Variants in MLLT3 observed in about 807,000 individuals in gnomAD.
MLLT3 encodes protein AF-9.
Under a neutral mutation model 53.2 loss-of-function variants are expected in MLLT3, and 4 were observed. The observed-to-expected ratio is 0.08, with a 90% CI of 0.04 to 0.17. MLLT3 has a LOEUF of 0.17. MLLT3 is among the 10% of genes least tolerant of loss of function. The probability of loss-of-function intolerance (pLI) is 1.00; values close to 1 mark genes in which losing one functional copy is unlikely to be tolerated. For missense variants in MLLT3, 569 were observed against 684.0 expected (o/e 0.83, Z 1.87); for synonymous variants, 283 against 230.6 (o/e 1.23, Z -2.06).
At chr9:20,578,831 A>G (rs1343365994) in intron 2 of MLLT3, among the ~76,000 whole-genome samples, 1 of 152,208 alleles carries the variant, frequency 6.6e-6, no homozygotes, top group Non-Finnish European at 1.5e-5. Flanking sequence ...GCTTCACCAA[A>G]AAAAGTGAAA....
At chr9:20,574,953 G>A (rs1819618093) in intron 2 of MLLT3, among the ~76,000 whole-genome samples, 1 of 152,202 alleles carries the variant, frequency 6.6e-6, no homozygotes, top group Non-Finnish European at 1.5e-5. Flanking sequence ...TTTCAACAAT[G>A]TTCAAAGCGT....
chr9:20,363,751 G>T, intron 6 of MLLT3, 146 bp from the exon 7 acceptor site: 1 of 684,080 alleles, frequency 1.5e-6, no homozygotes, highest in Non-Finnish European at 2.1e-6. Context: ...GGCAAATTTG[G>T]TATAGTTTCT....
chr9:20,413,993 G>C lies in MLLT3; in HGVS notation c.853C>G (p.Pro285Ala). ...GQDKKAPSKR[P>A]PISDSEELSA... Reference sequence around the variant, plus strand: ...AGTTCTTCAGAATCTGAAATGGGCGGCCTTTTACTAGGAGCCTTCTTATCT... The same window carrying C: ...AGTTCTTCAGAATCTGAAATGGGCGCCCTTTTACTAGGAGCCTTCTTATCT... The change falls in exon 5 of 11, where the codon CCG (proline) becomes GCG (alanine). Residue 285 changes from proline to alanine, a missense_variant. Pro to Ala is a conservative substitution (Grantham distance 27). This residue lies in a region of MLLT3 where 437 missense variants were observed against 376.5 expected (regional missense o/e 1.16). Transcript: ENST00000380338. 6.2e-7 allele frequency: 1 copy of C among 1,614,142 alleles called. No individual in the cohort carries two copies. The highest frequency in any genetic ancestry group is 8.5e-7 in the Non-Finnish European group (1 of 1,180,022).
chr9:20,536,587 T>G (rs1402896742), intron 2 of MLLT3, among the ~76,000 whole-genome samples: 2 of 152,136 alleles, frequency 1.3e-5, no homozygotes, highest in African/African-American at 2.4e-5. Flanking sequence ...ACAGTTAGCT[T>G]AGAAGAAAAA....
At chr9:20,362,705 G>GTTTTT (rs1563936918) in intron 7 of MLLT3, 5 of 92,758 alleles carry the variant, frequency 5.4e-5, no homozygotes, top group African/African-American at 4.3e-4. Context: ...GGTTAAGACC[G>GTTTTT]CTTTTTTTTT....
At chr9:20,355,940 C>T (rs1194750558) in intron 8 of MLLT3, among the ~76,000 whole-genome samples, 2 of 152,168 alleles carry the variant, frequency 1.3e-5, no homozygotes, top group Admixed American at 6.5e-5. Context: ...AAGAATGAGT[C>T]CACTTTTAAT....
intron 2 of MLLT3, among the ~76,000 whole-genome samples, chr9:20,569,670 A>C (rs957246438): frequency 3.3e-5 from 5 of 152,176 alleles, no homozygotes; most frequent in Non-Finnish European, 7.3e-5. Context: ...TGTCCTTGGT[A>C]TTTAGAACAC....
At chr9:20,438,146 C>A (rs977057613) in intron 4 of MLLT3, among the ~76,000 whole-genome samples, 1 of 152,222 alleles carries the variant, frequency 6.6e-6, no homozygotes, top group African/African-American at 2.4e-5. Flanking sequence ...AAAACCAGAA[C>A]ACTCTGATAA....
At chr9:20,376,221 G>C (rs1330343443) in intron 5 of MLLT3, among the ~76,000 whole-genome samples, 2 of 152,158 alleles carry the variant, frequency 1.3e-5, no homozygotes, top group Admixed American at 6.5e-5. Context: ...TGTAACCACA[G>C]AGAAGACTCT....
At chr9:20,588,322 C>T (rs1475168376) in intron 2 of MLLT3, among the ~76,000 whole-genome samples, 9 of 150,046 alleles carry the variant, frequency 6.0e-5, no homozygotes, top group Middle Eastern at 3.4e-3. Context: ...CTTGGCGATG[C>T]GGGCTCTTTT....
At chr9:20,550,660 A>G (rs1468366868) in intron 2 of MLLT3, among the ~76,000 whole-genome samples, 1 of 152,168 alleles carries the variant, frequency 6.6e-6, no homozygotes, top group South Asian at 2.1e-4. Flanking sequence ...GGCCTCTTTA[A>G]AATGTTGGGA....
chr9:20,552,734 T>C (rs1327520344), intron 2 of MLLT3, among the ~76,000 whole-genome samples: 1 of 152,166 alleles, frequency 6.6e-6, no homozygotes. Context: ...GTTATCCAAA[T>C]AAACCTTAGA....
chr9:20,477,091 G>T (rs1262870203), intron 2 of MLLT3, among the ~76,000 whole-genome samples: 1 of 152,102 alleles, frequency 6.6e-6, no homozygotes, highest in East Asian at 1.9e-4. Context: ...CTTCTCTGGG[G>T]CCCAGTGGGA....
intron 2 of MLLT3, among the ~76,000 whole-genome samples, chr9:20,595,177 T>C (rs1344848345): frequency 1.3e-5 from 2 of 152,040 alleles, no homozygotes; most frequent in East Asian, 3.9e-4. Flanking sequence ...GGCAACAAAG[T>C]GAGATCTCCA....
At chr9:20,368,616 A>G (rs926712457) in intron 5 of MLLT3, among the ~76,000 whole-genome samples, 2 of 152,218 alleles carry the variant, frequency 1.3e-5, no homozygotes, top group African/African-American at 4.8e-5. Context: ...TCAGAACCAA[A>G]CCAGGAGGCA....
intron 5 of MLLT3, 86 bp from the exon 6 acceptor site, chr9:20,365,830 A>T (rs1821436948): frequency 7.4e-7 from 1 of 1,359,192 alleles, no homozygotes; most frequent in African/African-American, 1.4e-5. Flanking sequence ...TGCTCAAACC[A>T]TCCTCTGCAA....
intron 2 of MLLT3, among the ~76,000 whole-genome samples, chr9:20,613,854 T>C (rs970904526): frequency 6.6e-6 from 1 of 152,156 alleles, no homozygotes; most frequent in Middle Eastern, 3.2e-3. Context: ...ATTTTAACTC[T>C]GTATACCTTT....
At chr9:20,384,311 G>A (rs942816442) in intron 5 of MLLT3, among the ~76,000 whole-genome samples, 2 of 152,036 alleles carry the variant, frequency 1.3e-5, no homozygotes, top group Non-Finnish European at 2.9e-5. Context: ...ACTCTCTAGT[G>A]TTGTCTGACA....
At chr9:20,537,632 A>G (rs1480447850) in intron 2 of MLLT3, among the ~76,000 whole-genome samples, 1 of 152,198 alleles carries the variant, frequency 6.6e-6, no homozygotes, top group Non-Finnish European at 1.5e-5. Flanking sequence ...TCACATGGTT[A>G]TTTTCAAATA....
Sources: allele counts gnomAD v4.1 joint callset (sites outside exome capture counted in the v4.1 genomes callset), GRCh38; gene constraint gnomAD v4.1.1; regional missense constraint gnomAD v4.1.1; transcripts MANE v1.5; gene names NCBI Gene and HGNC (gene_info 2026-07-23, HGNC 2026-07-21).